The following RMDN2 variants were observed in gnomAD, a reference collection of about 807,000 sequenced individuals.
The protein encoded by RMDN2 is regulator of microtubule dynamics protein 2.
RMDN2 carries 61 observed loss-of-function variants against 52.8 expected under a neutral mutation model. The observed-to-expected ratio is 1.16, with a 90% CI of 0.94 to 1.43. The LOEUF is 1.43. Among genes scored for constraint, RMDN2 ranks in the 40% most tolerant of loss-of-function variants. The pLI is 0.00. For synonymous variants in RMDN2, 180 were observed against 153.1 expected, an observed-to-expected ratio of 1.18 and a Z score of -1.30; for missense variants, 592 against 475.3, an observed-to-expected ratio of 1.25 and a Z score of -2.28.
chr2:37,945,862 C>T, intron 2 of RMDN2, among the ~76,000 whole-genome samples: 1 of 152,110 alleles, frequency 6.6e-6, no homozygotes, highest in Non-Finnish European at 1.5e-5. Context: ...CTCATCCCCA[C>T]TTAAGAAAGT....
intron 10 of RMDN2, among the ~76,000 whole-genome samples, chr2:38,054,235 T>G (rs1485399504): frequency 6.6e-6 from 1 of 152,220 alleles, no homozygotes; most frequent in Admixed American, 6.5e-5. Flanking sequence ...TTAAATAGTA[T>G]TAAACTCATC....
upstream of RMDN2, among the ~76,000 whole-genome samples, chr2:37,925,059 G>A (rs1000135758): frequency 2.6e-5 from 4 of 152,204 alleles, no homozygotes; most frequent in Non-Finnish European, 5.9e-5. Context: ...TGGGGCTAGC[G>A]CGGAGGCCCA....
rs373968213 is a variant in RMDN2, at chr2:37,974,126, A to G, written c.539A>G (p.Asp180Gly). The G allele has an allele frequency of 2.5e-5, 40 of 1,612,750 alleles. No individual in the cohort carries two copies. Among genetic ancestry groups the G allele is most frequent in the Middle Eastern group, 1.6e-4 (1 of 6,078 alleles). Reference protein sequence around the residue: ...FNTRVEELNLDVLLQKVDHLR... With the variant: ...FNTRVEELNLGVLLQKVDHLR... ...ACACGTGTAGAGGAATTAAATTTAGATGTCCTTCTTCAGAAGGTAGATCAT... is the reference window on the plus strand; with the variant it reads ...ACACGTGTAGAGGAATTAAATTTAGGTGTCCTTCTTCAGAAGGTAGATCAT... The change falls in exon 3 of 11, where the codon GAT (aspartate) becomes GGT (glycine). Residue 180 changes from aspartate to glycine, a missense_variant. Coordinates refer to ENST00000354545, the MANE Select transcript of RMDN2 (RefSeq NM_001170791.3).
intron 2 of RMDN2, among the ~76,000 whole-genome samples, chr2:37,960,006 A>T (rs1343735945): frequency 6.6e-6 from 1 of 152,140 alleles, no homozygotes; most frequent in Non-Finnish European, 1.5e-5. Flanking sequence ...CTGTGGTCTG[A>T]GAGACTGTTA....
intron 2 of RMDN2, among the ~76,000 whole-genome samples, chr2:37,939,045 T>C (rs1667559640): frequency 6.6e-6 from 1 of 152,244 alleles, no homozygotes; most frequent in Non-Finnish European, 1.5e-5. Context: ...TGCTATAAAT[T>C]TCCCTCTAAT....
chr2:38,038,464 T>G (rs1053795908), intron 10 of RMDN2, among the ~76,000 whole-genome samples: 1 of 152,224 alleles, frequency 6.6e-6, no homozygotes, highest in African/African-American at 2.4e-5. Context: ...CAAGCTGTTT[T>G]CTGGGAAACT....
chr2:38,004,137 G>A lies in RMDN2; in HGVS notation c.1100G>A (p.Cys367Tyr). ...SNPNYMYLAK[C>Y]YTDLEENQNA... ...ATATTGGTTATTTCTCATTTCCAGT[G>A]TTATACTGATCTTGAGGAAAACCAG... The change falls in exon 10 of 11, where the codon TGT becomes TAT. Residue 367 changes from cysteine to tyrosine, a missense_variant and splice_region_variant. Transcript: ENST00000354545. 1 of 1,613,262 alleles carries A rather than the reference G, an allele frequency of 6.2e-7. No homozygotes were observed. Among genetic ancestry groups the A allele is most frequent in the South Asian group, 1.1e-5 (1 of 91,068 alleles).
At chr2:37,937,184 T>G (rs188594114) in intron 2 of RMDN2, among the ~76,000 whole-genome samples, 1 of 152,204 alleles carries the variant, frequency 6.6e-6, no homozygotes, top group Non-Finnish European at 1.5e-5. Flanking sequence ...TTGCTGTTTT[T>G]GTCAGGTTTG....
Position 37,986,634 on chromosome 2 carries a change from C to A in RMDN2, c.792-2907C>A, listed in dbSNP as rs535433937. On this transcript the variant is annotated intron_variant, in intron 5 of 10. Coordinates refer to ENST00000354545, the MANE Select transcript of RMDN2 (RefSeq NM_001170791.3). ...CAAGACCAGTTCAACATTTGAAAATCAATTACTATAATCCACCACATTAAC... is the reference window on the plus strand; with the variant it reads ...CAAGACCAGTTCAACATTTGAAAATAAATTACTATAATCCACCACATTAAC... 4.6e-5 allele frequency among the ~76,000 whole-genome samples: 7 copies of A among 152,158 alleles called. No homozygotes were observed. In the East Asian group the frequency reaches 1.2e-3, roughly 25 times the overall value.
At chr2:38,006,007 G>A (rs1245501861) in intron 10 of RMDN2, among the ~76,000 whole-genome samples, 1 of 152,144 alleles carries the variant, frequency 6.6e-6, no homozygotes, top group South Asian at 2.1e-4. Flanking sequence ...AAGATCAGAT[G>A]GTTGTAGATA....
intron 8 of RMDN2, among the ~76,000 whole-genome samples, chr2:38,002,067 T>A (rs531331239): frequency 6.6e-6 from 1 of 152,330 alleles, no homozygotes; most frequent in South Asian, 2.1e-4. Flanking sequence ...CCTACCCTAG[T>A]AGGAGATTTT....
intron 10 of RMDN2, among the ~76,000 whole-genome samples, chr2:38,023,853 C>T (rs1214658952): frequency 6.6e-6 from 1 of 152,170 alleles, no homozygotes; most frequent in Non-Finnish European, 1.5e-5. Context: ...TTGACGTGTA[C>T]ACCCACGAAA....
intron 10 of RMDN2, among the ~76,000 whole-genome samples, chr2:38,007,099 C>A (rs978022223): frequency 2.6e-5 from 4 of 152,200 alleles, no homozygotes; most frequent in East Asian, 1.9e-4. Flanking sequence ...CTGCTGGATT[C>A]GGTTTGCCAG....
chr2:38,012,576 T>C (rs747831144), intron 10 of RMDN2: 5 of 467,856 alleles, frequency 1.1e-5, no homozygotes, highest in South Asian at 7.9e-5. Context: ...TGAGCAAATA[T>C]TTCTCACATT....
At chr2:37,927,044 T>C (rs1352610477) in intron 1 of RMDN2, among the ~76,000 whole-genome samples, 1 of 152,184 alleles carries the variant, frequency 6.6e-6, no homozygotes, top group Non-Finnish European at 1.5e-5. Context: ...TTTCAAATTA[T>C]CAGTGTTGAA....
intron 6 of RMDN2, among the ~76,000 whole-genome samples, chr2:37,990,011 C>T (rs887890512): frequency 3.3e-5 from 5 of 151,648 alleles, no homozygotes; most frequent in African/African-American, 4.8e-5. Flanking sequence ...TTAGTGGTGG[C>T]GGGCGCCTAT....
intron 10 of RMDN2, chr2:38,012,485 C>T (rs1349340434): frequency 2.5e-6 from 1 of 395,516 alleles, no homozygotes; most frequent in Non-Finnish European, 5.0e-6. Flanking sequence ...ATAATAGTGT[C>T]AATAGTAATA....
At chr2:37,977,769 C>G (rs922192037) in intron 4 of RMDN2, among the ~76,000 whole-genome samples, 1 of 151,422 alleles carries the variant, frequency 6.6e-6, no homozygotes, top group Non-Finnish European at 1.5e-5. Flanking sequence ...GATGGGTGGC[C>G]GGGCAGAGAC....
At chr2:37,996,588 C>CA (rs1186116651) in intron 7 of RMDN2, among the ~76,000 whole-genome samples, 86 of 109,708 alleles carry the variant, frequency 7.8e-4, no homozygotes, top group Middle Eastern at 8.9e-3. Context: ...GAGACATTGC[C>CA]AAAAAAAAAA....
Sources: gnomAD v4.1 joint callset for allele counts (sites outside exome capture counted in the v4.1 genomes callset) on GRCh38, gnomAD v4.1.1 for gene constraint, MANE v1.5 for transcripts, NCBI Gene and HGNC (gene_info 2026-07-23, HGNC 2026-07-21) for gene names.